The following MACROD1 variants were observed in gnomAD, a reference collection of about 807,000 sequenced individuals.
The protein encoded by MACROD1 is ADP-ribose glycohydrolase MACROD1.
Under a neutral mutation model 41.4 loss-of-function variants are expected in MACROD1, and 31 were observed. That is an observed-to-expected ratio of 0.75 (90% CI 0.56 to 1.01). The LOEUF is 1.01. MACROD1 is among the 50% of genes least tolerant of loss of function. The pLI, the probability that MACROD1 is intolerant of heterozygous loss-of-function variation, is 0.00. For synonymous variants in MACROD1, 252 were observed against 203.4 expected (o/e 1.24, Z -2.03); for missense variants, 473 against 460.0 (o/e 1.03, Z -0.26).
rs764179577 is a variant in MACROD1 at position 64,117,479 on chromosome 11, G to A, written c.517+33760C>T. 48 of 1,612,416 alleles carry A rather than the reference G, an allele frequency of 3.0e-5. No individual in the cohort carries two copies. The East Asian group carries it at 4.2e-4, about 14-fold the overall frequency. ...CCAGCAACCACGCCTCTGCCACCAC[G>A]CCCCAGGGTTCCCTGTTTACCCTCA... is the stretch of plus-strand genomic sequence containing the variant. On this transcript the variant is annotated intron_variant, in intron 3 of 10. Coordinates refer to ENST00000255681, the MANE Select transcript of MACROD1 (RefSeq NM_014067.4).
chr11:64,010,216 TG>T (rs1391596603), intron 4 of MACROD1, among the ~76,000 whole-genome samples: 1 of 146,894 alleles, frequency 6.8e-6, no homozygotes, highest in Non-Finnish European at 1.5e-5. Flanking sequence ...TTGGTTGGGG[TG>T]TTGCCCAGAG....
At chr11:64,118,967 C>A (rs1945048800) in intron 3 of MACROD1, 1 of 167,062 alleles carries the variant, frequency 6.0e-6, no homozygotes, top group Admixed American at 6.5e-5. Context: ...GGCTGAAGCC[C>A]TCTTCAGTTC....
Position 64,120,154 on chromosome 11 carries a change from G to A in MACROD1, c.517+31085C>T, listed in dbSNP as rs1289855306. 6.6e-6 allele frequency among the ~76,000 whole-genome samples: 1 copy of A among 152,216 alleles called. No individual in the cohort carries two copies. The highest frequency in any genetic ancestry group is 1.5e-5 in the Non-Finnish European group (1 of 68,038). On this transcript the variant is annotated intron_variant, in intron 3 of 10. Transcript: ENST00000255681. This position sits in a 1 kb window ranked among gnomAD's most constrained non-coding sequence, Gnocchi z 4.5. ...CCACCTTCAGTGAGGAGATGGGGCTGAAAGGAGCGGACACAACAGCCACGT... is the reference window on the plus strand; with the variant it reads ...CCACCTTCAGTGAGGAGATGGGGCTAAAAGGAGCGGACACAACAGCCACGT...
At chr11:64,045,059 G>A (rs1377605272) in intron 3 of MACROD1, among the ~76,000 whole-genome samples, 1 of 152,256 alleles carries the variant, frequency 6.6e-6, no homozygotes, top group Non-Finnish European at 1.5e-5. Context: ...GGCATTGTGA[G>A]CAGTCAGGCC....
intron 3 of MACROD1, among the ~76,000 whole-genome samples, chr11:64,106,275 G>A (rs1309225194): frequency 6.6e-6 from 1 of 152,180 alleles, no homozygotes; most frequent in Non-Finnish European, 1.5e-5. Context: ...GCTGTGGTGA[G>A]GGCACCCTGG....
chr11:64,135,857 G>C (rs1945324271), intron 3 of MACROD1, among the ~76,000 whole-genome samples: 1 of 152,174 alleles, frequency 6.6e-6, no homozygotes, highest in Non-Finnish European at 1.5e-5. Flanking sequence ...AAGAACCAGG[G>C]AAGCCTCGTT....
chr11:64,126,740 G>A (rs1301969831), intron 3 of MACROD1: 4 of 151,668 alleles, frequency 2.6e-5, no homozygotes, highest in Non-Finnish European at 5.9e-5. Context: ...CTAACCGCCC[G>A]GGTCAGAGGG....
intron 3 of MACROD1, among the ~76,000 whole-genome samples, chr11:64,108,228 G>A (rs952890940): frequency 1.3e-5 from 2 of 151,572 alleles, no homozygotes; most frequent in Admixed American, 6.6e-5. Context: ...CAGAAGAATC[G>A]CCTGAACCCA....
intron 3 of MACROD1, among the ~76,000 whole-genome samples, chr11:64,085,575 G>T (rs1944379657): frequency 1.3e-5 from 2 of 152,178 alleles, no homozygotes; most frequent in African/African-American, 2.4e-5. Flanking sequence ...CGCCCGCCCG[G>T]GTCCACCCCA....
At chr11:64,129,064 TG>T (rs1473338652) in intron 3 of MACROD1, among the ~76,000 whole-genome samples, 1 of 152,236 alleles carries the variant, frequency 6.6e-6, no homozygotes, top group African/African-American at 2.4e-5. Flanking sequence ...GCCACAAATC[TG>T]GGGACACCTG....
At chr11:64,079,360 C>G (rs1372634712) in intron 3 of MACROD1, among the ~76,000 whole-genome samples, 3 of 144,262 alleles carry the variant, frequency 2.1e-5, no homozygotes, top group Admixed American at 7.1e-5. Flanking sequence ...AAAGGGGAGA[C>G]AGATTTGGAG....
chr11:64,012,503 C>T (rs949326928), intron 4 of MACROD1, among the ~76,000 whole-genome samples: 2 of 151,608 alleles, frequency 1.3e-5, no homozygotes, highest in African/African-American at 2.4e-5. Context: ...GGGGTTCAAG[C>T]AATTCTCCTG....
intron 3 of MACROD1, among the ~76,000 whole-genome samples, chr11:64,134,028 A>G (rs956218059): frequency 3.9e-5 from 6 of 152,242 alleles, no homozygotes; most frequent in Admixed American, 3.9e-4. Flanking sequence ...ACATGCAGCT[A>G]TAAAGCCCAA....
intron 3 of MACROD1, among the ~76,000 whole-genome samples, chr11:64,035,115 C>A (rs1299651194): frequency 6.6e-6 from 1 of 152,148 alleles, no homozygotes; most frequent in Non-Finnish European, 1.5e-5. Flanking sequence ...TAGTAACGGT[C>A]CCATTTCACA....
chr11:64,089,240 C>T (rs537955413), intron 3 of MACROD1, among the ~76,000 whole-genome samples: 41 of 152,248 alleles, frequency 2.7e-4, no homozygotes, highest in African/African-American at 8.2e-4. Flanking sequence ...GTGAGGGCCC[C>T]GGGCTCTGGG....
chr11:64,050,752 GGGATTACA>G (rs1354732734), intron 3 of MACROD1, among the ~76,000 whole-genome samples: 1 of 152,186 alleles, frequency 6.6e-6, no homozygotes, highest in African/African-American at 2.4e-5. Flanking sequence ...CTGAGTAGCT[GGGATTACA>G]GGCGCATGCC....
intron 3 of MACROD1, among the ~76,000 whole-genome samples, chr11:64,106,465 A>C (rs1944765144): frequency 6.6e-6 from 1 of 152,300 alleles, no homozygotes; most frequent in Admixed American, 6.5e-5. Flanking sequence ...ACCATGTCCT[A>C]ACTATAGGAG....
intron 3 of MACROD1, among the ~76,000 whole-genome samples, chr11:64,111,226 G>C (rs1003286522): frequency 6.6e-6 from 1 of 152,208 alleles, no homozygotes; most frequent in Non-Finnish European, 1.5e-5. Flanking sequence ...CCCCTACTTA[G>C]GGCACTGCTC....
intron 3 of MACROD1, among the ~76,000 whole-genome samples, chr11:64,019,349 C>T (rs4980518): frequency 0.038 from 5,834 of 152,180 alleles, 179 homozygotes; most frequent in South Asian, 0.082. Context: ...CCGCTGCTGG[C>T]GGTCCCTGGG....
Sources: allele counts gnomAD v4.1 joint callset (sites outside exome capture counted in the v4.1 genomes callset), GRCh38; gene constraint gnomAD v4.1.1; non-coding constraint Gnocchi (gnomAD v3.1); transcripts MANE v1.5; gene names NCBI Gene and HGNC (gene_info 2026-07-23, HGNC 2026-07-21).